Variants in CLOCK observed in about 807,000 individuals in gnomAD.
CLOCK encodes clock circadian regulator, also known as circadian locomoter output cycles protein kaput.
CLOCK carries 43 observed loss-of-function variants against 118.4 expected under a neutral mutation model. The observed-to-expected ratio is 0.36, with a 90% CI of 0.28 to 0.47. The LOEUF is 0.47. CLOCK is among the 20% of genes least tolerant of loss of function. The pLI, the probability that CLOCK is intolerant of heterozygous loss-of-function variation, is 1.00. For missense variants in CLOCK, 846 were observed against 999.9 expected, an observed-to-expected ratio of 0.85 and a Z score of 2.08; for synonymous variants, 326 against 339.2, an observed-to-expected ratio of 0.96 and a Z score of 0.43.
intron 1 of CLOCK, among the ~76,000 whole-genome samples, chr4:55,537,012 A>G (rs1348578839): frequency 1.3e-5 from 2 of 152,210 alleles, no homozygotes; most frequent in East Asian, 3.8e-4. Context: ...ATAAATCCGA[A>G]TAAATTTAAA....
At chr4:55,452,016 T>C (rs1560424842) in intron 15 of CLOCK, among the ~76,000 whole-genome samples, 2 of 152,198 alleles carry the variant, frequency 1.3e-5, no homozygotes, top group East Asian at 1.9e-4. Context: ...TTTTGACTCT[T>C]TTCATTCTAC....
intron 21 of CLOCK, 171 bp downstream of exon 21, chr4:55,442,261 A>G (rs1442869686): frequency 3.2e-6 from 2 of 634,350 alleles, no homozygotes; most frequent in African/African-American, 3.7e-5. Context: ...TTAATTATGA[A>G]GTCTTTAAAC....
chr4:55,460,346 A>C (rs1725242278), intron 9 of CLOCK, among the ~76,000 whole-genome samples: 4 of 152,190 alleles, frequency 2.6e-5, no homozygotes, highest in Admixed American at 2.0e-4. Flanking sequence ...ACGTGAGACA[A>C]AGTTACCTAT....
chr4:55,498,774 G>T (rs2109980536), intron 2 of CLOCK, among the ~76,000 whole-genome samples: 1 of 152,214 alleles, frequency 6.6e-6, no homozygotes, highest in South Asian at 2.1e-4. Context: ...AGTAAATATA[G>T]GATAAATGAG....
Position 55,446,296 on chromosome 4 carries a change from C to T in CLOCK, c.1540-1511G>A, listed in dbSNP as rs1723844283. On this transcript the variant is annotated intron_variant, in intron 18 of 22. Transcript: ENST00000513440. ...AAGAGATGGGGTCTCACTATGTTGC[C>T]TAGTCTGTTGTAGAACTCCTGAGCT... Among the ~76,000 whole-genome samples the T allele has an allele frequency of 2.0e-5, 3 of 151,850 alleles. No homozygotes were observed. In the South Asian group the frequency reaches 6.2e-4, roughly 32 times the overall value.
chr4:55,497,960 GA>G (rs1290938963), intron 2 of CLOCK, among the ~76,000 whole-genome samples: 74 of 133,888 alleles, frequency 5.5e-4, no homozygotes, highest in Middle Eastern at 3.9e-3. Flanking sequence ...TGGATCTCCA[GA>G]AAAAAAAAAA....
chr4:55,478,785 C>A, intron 6 of CLOCK, 30 bp downstream of exon 6: 1 of 1,603,658 alleles, frequency 6.2e-7, no homozygotes, highest in South Asian at 1.1e-5. Context: ...CTTTGAGAGT[C>A]TGTTCCATTT....
intron 1 of CLOCK, among the ~76,000 whole-genome samples, chr4:55,536,694 G>A (rs999100085): frequency 2.6e-5 from 4 of 152,056 alleles, no homozygotes; most frequent in Non-Finnish European, 2.9e-5. Flanking sequence ...CCAGTCTCAC[G>A]TATTCTTTTA....
chr4:55,485,991 G>A (rs1026822889), intron 3 of CLOCK, among the ~76,000 whole-genome samples: 2 of 152,158 alleles, frequency 1.3e-5, no homozygotes, highest in African/African-American at 4.8e-5. Flanking sequence ...AGCAACTTGA[G>A]ATCAGAGTCA....
chr4:55,513,643 CT>C (rs1380567010), intron 1 of CLOCK, among the ~76,000 whole-genome samples: 2 of 152,052 alleles, frequency 1.3e-5, no homozygotes, highest in African/African-American at 4.8e-5. Flanking sequence ...GGTCTTTTGC[CT>C]CTCCATATAA....
In CLOCK at chr4:55,456,198, G is replaced by A; in HGVS notation, c.875+20C>T. 2 of 1,521,360 alleles carry A rather than the reference G, an allele frequency of 1.3e-6. No homozygotes were observed. Among genetic ancestry groups the A allele is most frequent in the Non-Finnish European group, 1.8e-6 (2 of 1,100,568 alleles). The allele number at this position is 1,521,360 out of a possible 1,614,324, so 94.2% of individuals were successfully genotyped here. On this transcript the variant is annotated intron_variant, in intron 12 of 22. Transcript: ENST00000513440. ...ATAACATGACTATTACCTTTTCATG[G>A]AATTTAAAAATGGAATTACCTGTGA...
Position 55,532,125 on chromosome 4 carries a change from C to G in CLOCK, c.-290+14657G>C, listed in dbSNP as rs539637058. Among the ~76,000 whole-genome samples, 3 of 152,196 alleles carry G rather than the reference C, an allele frequency of 2.0e-5. No homozygotes were observed. In the East Asian group the frequency reaches 5.8e-4, roughly 29 times the overall value. On this transcript the variant is annotated intron_variant, in intron 1 of 22. Transcript: ENST00000513440. Reference sequence around the variant, plus strand: ...GCATTTGACAAAATTCAACACCCTTCCATGATAAAAACACTCAATAAATGA... The same window carrying G: ...GCATTTGACAAAATTCAACACCCTTGCATGATAAAAACACTCAATAAATGA...
chr4:55,440,601 A>C (rs1313608160), intron 21 of CLOCK, among the ~76,000 whole-genome samples: 1 of 152,240 alleles, frequency 6.6e-6, no homozygotes, highest in Non-Finnish European at 1.5e-5. Flanking sequence ...AACAAAAAAG[A>C]ATTAAAATTG....
chr4:55,445,001 G>A (rs2109703567), intron 18 of CLOCK, among the ~76,000 whole-genome samples: 1 of 152,290 alleles, frequency 6.6e-6, no homozygotes, highest in South Asian at 2.1e-4. Flanking sequence ...CAGGCACAAA[G>A]TTATCCACAT....
chr4:55,504,912 G>A (rs1414089554), intron 2 of CLOCK, among the ~76,000 whole-genome samples: 3 of 152,042 alleles, frequency 2.0e-5, no homozygotes, highest in South Asian at 2.1e-4. Context: ...CAGGCCAGGC[G>A]CAGTGGCTCA....
In CLOCK at chr4:55,429,084, T is replaced by C. The variant is rs1415620523; in HGVS notation, c.*6331A>G. Reference sequence around the variant, plus strand: ...TCTGAAGGTAACAACTTATTTTAACTTAACTACTGGCATAACCATTGCCAG... The same window carrying C: ...TCTGAAGGTAACAACTTATTTTAACCTAACTACTGGCATAACCATTGCCAG... On this transcript the variant is annotated 3_prime_UTR_variant, in exon 23 of 23. Transcript: ENST00000513440. 6.6e-6 allele frequency: 1 copy of C among 151,896 alleles called. No individual in the cohort carries two copies. Among genetic ancestry groups the C allele is most frequent in the Non-Finnish European group, 1.5e-5 (1 of 67,984 alleles). The allele number at this position is 151,896 out of a possible 1,614,324, so 9.4% of individuals were successfully genotyped here.
In CLOCK at chr4:55,432,914, T is replaced by C. The variant is rs1560406173; in HGVS notation, c.*2501A>G. The C allele has an allele frequency of 6.6e-6, 1 of 152,650 alleles. No individual in the cohort carries two copies. Among genetic ancestry groups the C allele is most frequent in the Non-Finnish European group, 1.5e-5 (1 of 68,024 alleles). The allele number at this position is 152,650 out of a possible 1,614,324, so 9.5% of individuals were successfully genotyped here. On this transcript the variant is annotated 3_prime_UTR_variant, in exon 23 of 23. Coordinates refer to ENST00000513440, the MANE Select transcript of CLOCK (RefSeq NM_004898.4). The stretch of plus-strand genomic sequence containing the variant: ...AGTAGGACAATGTGAGTAAACAGTT[T>C]AGACGTTTACCTGGGGCTTGTCTTA...
chr4:55,531,032 C>G (rs1463042979), intron 1 of CLOCK, among the ~76,000 whole-genome samples: 1 of 151,774 alleles, frequency 6.6e-6, no homozygotes, highest in Non-Finnish European at 1.5e-5. Flanking sequence ...GGAAAAACAT[C>G]TGAGAATATG....
At chr4:55,501,983 C>A (rs1728476648) in intron 2 of CLOCK, among the ~76,000 whole-genome samples, 2 of 152,148 alleles carry the variant, frequency 1.3e-5, no homozygotes, top group African/African-American at 4.8e-5. Flanking sequence ...ACTACAATAT[C>A]ATTATCATAT....
Sources: gnomAD v4.1 joint callset for allele counts (sites outside exome capture counted in the v4.1 genomes callset) on GRCh38, gnomAD v4.1.1 for gene constraint, MANE v1.5 for transcripts, NCBI Gene and HGNC (gene_info 2026-07-23, HGNC 2026-07-21) for gene names.